The following PPP1R9A variants were observed in gnomAD, a reference collection of about 807,000 sequenced individuals.
PPP1R9A encodes protein phosphatase 1 regulatory subunit 9A, also known as neurabin-1.
A neutral mutation model predicts 141.9 loss-of-function variants in PPP1R9A; 59 were observed. The ratio of observed to expected loss-of-function variants is 0.42; its 90% CI spans 0.34 to 0.52. The LOEUF is 0.52. PPP1R9A is among the 20% of genes least tolerant of loss of function. PPP1R9A has a pLI of 0.10. For synonymous variants in PPP1R9A, 500 were observed against 569.7 expected (o/e 0.88, Z 1.74); for missense variants, 1,444 against 1,611.9 (o/e 0.90, Z 1.78).
At position 95,257,523 on chromosome 7, in the gene PPP1R9A, T is replaced by A. The variant is rs566103323; in HGVS notation, c.2665+5393T>A. Among the ~76,000 whole-genome samples, 605 of 152,176 alleles carry A rather than the reference T, an allele frequency of 4.0e-3. 4 individuals are homozygous for A. The highest frequency in any genetic ancestry group is 0.012 in the African/African-American group (498 of 41,524). On this transcript the variant is annotated intron_variant, in intron 12 of 19. Transcript: ENST00000433360. ...GGATTTCATATGATTTCTTTTTTTT[T>A]TTATTATTATGCTTTAAGTTTTAGG...
chr7:94,969,605 A>G (rs1798632126), intron 2 of PPP1R9A, among the ~76,000 whole-genome samples: 1 of 152,104 alleles, frequency 6.6e-6, no homozygotes, highest in Non-Finnish European at 1.5e-5. Flanking sequence ...GGTGTCTCCC[A>G]ATCAGGAGGT....
chr7:95,257,110 A>G (rs1392187398), intron 12 of PPP1R9A, among the ~76,000 whole-genome samples: 1 of 152,138 alleles, frequency 6.6e-6, no homozygotes, highest in East Asian at 1.9e-4. Flanking sequence ...GAATAGGGCC[A>G]AGGTGAATTG....
In PPP1R9A at chr7:95,237,270, A is replaced by G. The variant is rs564646480; in HGVS notation, c.2113-10203A>G. 3.8e-4 allele frequency among the ~76,000 whole-genome samples: 57 copies of G among 149,568 alleles called. 1 individual carries two copies. The South Asian group carries it at 0.011, about 28-fold the overall frequency. On this transcript the variant is annotated intron_variant, in intron 8 of 19. Transcript: ENST00000433360. ...GAGAGCAGTGGTGCCGTCTCAGTTC[A>G]CTGCAACCTCTGCCTCCTGGGTTCA...
intron 2 of PPP1R9A, among the ~76,000 whole-genome samples, chr7:95,026,785 A>AT (rs1338088182): frequency 3.3e-5 from 5 of 152,000 alleles, no homozygotes; most frequent in Non-Finnish European, 7.4e-5. Context: ...CCCTGCCCAG[A>AT]ATGTGGGAAT....
chr7:94,970,681 G>GCT (rs2151220708), intron 2 of PPP1R9A, among the ~76,000 whole-genome samples: 1 of 149,418 alleles, frequency 6.7e-6, no homozygotes, highest in South Asian at 2.1e-4. Flanking sequence ...TGTTGCCCAG[G>GCT]CTGGAGTGCA....
chr7:94,980,708 C>G (rs1800005947), intron 2 of PPP1R9A, among the ~76,000 whole-genome samples: 1 of 151,502 alleles, frequency 6.6e-6, no homozygotes, highest in African/African-American at 2.4e-5. Context: ...TACCTTATCT[C>G]TGAGGTGCCG....
At chr7:94,985,275 G>C (rs769546779) in intron 2 of PPP1R9A, among the ~76,000 whole-genome samples, 1 of 152,188 alleles carries the variant, frequency 6.6e-6, no homozygotes, top group African/African-American at 2.4e-5. Flanking sequence ...AGTGCAATGT[G>C]ATGCTGAGAA....
At chr7:94,998,119 C>T (rs1278209524) in intron 2 of PPP1R9A, among the ~76,000 whole-genome samples, 2 of 152,034 alleles carry the variant, frequency 1.3e-5, no homozygotes, top group African/African-American at 2.4e-5. Context: ...ATAAATATAA[C>T]CTGAGGTTGT....
intron 2 of PPP1R9A, among the ~76,000 whole-genome samples, chr7:94,925,077 T>C (rs1793304269): frequency 6.6e-6 from 1 of 151,984 alleles, no homozygotes; most frequent in South Asian, 2.1e-4. Flanking sequence ...CAGAGAAAAA[T>C]GTAAGGAGTT....
intron 4 of PPP1R9A, among the ~76,000 whole-genome samples, chr7:95,122,329 TAG>T (rs1169913749): frequency 6.6e-6 from 1 of 152,126 alleles, no homozygotes; most frequent in Non-Finnish European, 1.5e-5. Context: ...GTATTTTTAG[TAG>T]AGACGGGGTT....
chr7:95,053,455 T>TG (rs1404647956), intron 2 of PPP1R9A, among the ~76,000 whole-genome samples: 1 of 152,196 alleles, frequency 6.6e-6, no homozygotes, highest in African/African-American at 2.4e-5. Flanking sequence ...AAAGAAGTAT[T>TG]GCAGCAAAAT....
intron 2 of PPP1R9A, among the ~76,000 whole-genome samples, chr7:94,946,531 G>C (rs1310016366): frequency 2.0e-5 from 3 of 151,922 alleles, no homozygotes; most frequent in Non-Finnish European, 4.4e-5. Flanking sequence ...TCTCACTTCA[G>C]TTAATTTTAC....
chr7:95,152,789 G>A (rs912068269), intron 4 of PPP1R9A, among the ~76,000 whole-genome samples: 2 of 150,556 alleles, frequency 1.3e-5, no homozygotes, highest in African/African-American at 2.4e-5. Flanking sequence ...TGCCTATCAT[G>A]CACAAGCAAT....
intron 2 of PPP1R9A, among the ~76,000 whole-genome samples, chr7:94,970,300 G>A (rs1798717184): frequency 6.6e-6 from 1 of 152,192 alleles, no homozygotes; most frequent in South Asian, 2.1e-4. Context: ...GAAACTCCTG[G>A]TCTGCAGATT....
chr7:95,132,608 T>C (rs2152532821), intron 4 of PPP1R9A, among the ~76,000 whole-genome samples: 1 of 152,182 alleles, frequency 6.6e-6, no homozygotes, highest in East Asian at 1.9e-4. Context: ...CGGTGTTACA[T>C]GACCCCTTCG....
At chr7:94,916,142 G>GGCCCA (rs1792049391) in intron 2 of PPP1R9A, among the ~76,000 whole-genome samples, 1 of 151,900 alleles carries the variant, frequency 6.6e-6, no homozygotes. Context: ...ATCAATACTT[G>GGCCCA]GCCCAGCCTG....
In PPP1R9A at chr7:95,250,454, A is replaced by G. The variant is rs757405394; in HGVS notation, c.2396+199A>G. Among the ~76,000 whole-genome samples, 54 of 152,256 alleles carry G rather than the reference A, an allele frequency of 3.5e-4. 1 individual carries two copies. Among genetic ancestry groups the G allele is most frequent in the South Asian group, 4.1e-4 (2 of 4,824 alleles). On this transcript the variant is annotated intron_variant, in intron 10 of 19. Coordinates refer to ENST00000433360, the MANE Select transcript of PPP1R9A (RefSeq NM_001166160.2). ...TTTTTCATGAGATTATGTTTTGTAT[A>G]TTTTATAGTTTTTGGCTGCCAGGGC... is the stretch of plus-strand genomic sequence containing the variant.
intron 2 of PPP1R9A, among the ~76,000 whole-genome samples, chr7:95,067,250 G>A (rs1394674719): frequency 6.6e-6 from 1 of 152,174 alleles, no homozygotes; most frequent in Non-Finnish European, 1.5e-5. Flanking sequence ...CAGGAAATGG[G>A]ATCCAGCAGA....
At chr7:95,271,177 A>G (rs557443817) in intron 14 of PPP1R9A, among the ~76,000 whole-genome samples, 3 of 152,210 alleles carry the variant, frequency 2.0e-5, no homozygotes, top group African/African-American at 7.2e-5. Flanking sequence ...GAGTAGTTAC[A>G]CACAAAAGTG....
Sources: gnomAD v4.1 joint callset for allele counts (sites outside exome capture counted in the v4.1 genomes callset) on GRCh38, gnomAD v4.1.1 for gene constraint, MANE v1.5 for transcripts, NCBI Gene and HGNC (gene_info 2026-07-23, HGNC 2026-07-21) for gene names.